TPRA1: variants seen among roughly 807,000 people sequenced by gnomAD.
TPRA1 encodes transmembrane protein adipocyte associated 1.
TPRA1 carries 28 observed loss-of-function variants against 40.1 expected under a neutral mutation model. The observed-to-expected ratio is 0.70, with a 90% CI of 0.52 to 0.96. The LOEUF (loss-of-function observed/expected upper bound fraction) is 0.96. Among genes scored for constraint, TPRA1 ranks in the 40% least tolerant of loss-of-function variants. The probability of loss-of-function intolerance (pLI) is 0.00; values close to 1 mark genes in which losing one functional copy is unlikely to be tolerated. For synonymous variants in TPRA1, 219 were observed against 209.7 expected (o/e 1.04, Z -0.38); for missense variants, 441 against 482.6 (o/e 0.91, Z 0.81).
rs141277546 is a variant in TPRA1, at chr3:127,574,557, C to T, written c.854+628G>A. Among the ~76,000 whole-genome samples the T allele has an allele frequency of 1.7e-3, 263 of 152,350 alleles. 1 individual carries two copies. Among genetic ancestry groups the T allele is most frequent in the African/African-American group, 6.0e-3 (251 of 41,586 alleles). On this transcript the variant is annotated intron_variant, in intron 10 of 10. Transcript: ENST00000355552. ...ACCTGCTCCCCACTTAAGTCTTCCC[C>T]CAACAGGGTACAAGCTTTGTGAGGA...
chr3:127,594,022 CAATGTGCT>C (rs1208170142), upstream of TPRA1, among the ~76,000 whole-genome samples: 1 of 152,218 alleles, frequency 6.6e-6, no homozygotes, highest in Non-Finnish European at 1.5e-5. Context: ...GTGTCAATGA[CAATGTGCT>C]AATCAGGATG....
intron 1 of TPRA1, among the ~76,000 whole-genome samples, chr3:127,587,676 T>C (rs1006727105): frequency 5.3e-5 from 7 of 132,094 alleles, no homozygotes; most frequent in Non-Finnish European, 1.0e-4. Flanking sequence ...GCTGCTTTTC[T>C]TTTTTTTTTT....
At chr3:127,580,288 C>G in intron 1 of TPRA1, 125 bp from the exon 2 acceptor site, 1 of 1,095,998 alleles carries the variant, frequency 9.1e-7, no homozygotes, top group Non-Finnish European at 1.3e-6. Flanking sequence ...ACCACCCTCC[C>G]CACCCACTGC....
upstream of TPRA1, among the ~76,000 whole-genome samples, chr3:127,592,367 G>GTTTTTT (rs746017013): frequency 6.8e-5 from 6 of 88,538 alleles, 1 homozygote; most frequent in African/African-American, 1.3e-4. Flanking sequence ...GCAACATGCT[G>GTTTTTT]TTTTTTTTTT....
chr3:127,573,364 G>A lies in TPRA1; in HGVS notation c.*157C>T, dbSNP rs546681728. The A allele has an allele frequency of 3.2e-5, 30 of 945,644 alleles. No individual in the cohort carries two copies. Among genetic ancestry groups the A allele is most frequent in the South Asian group, 1.9e-5 (1 of 53,832 alleles). 58.6% of individuals were successfully genotyped at this position (945,644 alleles called of 1,614,324 possible). A position where few individuals can be genotyped will look rare whatever the true frequency, so the allele number is the denominator to read the frequency against. ...GCAGAGATGGCAAAGGGGATTGGGA[G>A]CCCCAGGGAGGTGGGGCCTCCAGAC... On this transcript the variant is annotated 3_prime_UTR_variant, in exon 11 of 11. Transcript: ENST00000355552.
chr3:127,575,558 CT>C, intron 8 of TPRA1, 53 bp from the exon 9 acceptor site: 1 of 1,484,920 alleles, frequency 6.7e-7, no homozygotes, highest in African/African-American at 1.4e-5. Context: ...AGGCCAGGCT[CT>C]GCCTCCAGCA....
Position 127,573,743 on chromosome 3 carries a change from C to G in TPRA1, c.900G>C (p.Glu300Asp), listed in dbSNP as rs1576361569. The change falls in exon 11 of 11, where the codon GAG becomes GAC. Residue 300 changes from glutamate to aspartate, a missense_variant. Glu to Asp is a conservative substitution (Grantham distance 45). Transcript: ENST00000355552. Reference sequence around the variant, plus strand: ...GTAGGTGTACATCTGGCTCCTCTGTCTCGTCCACTTGGCATTTGTAGGAGA... The same window carrying G: ...GTAGGTGTACATCTGGCTCCTCTGTGTCGTCCACTTGGCATTTGTAGGAGA... Reference protein sequence around the residue: ...ILFSYKCQVDETEEPDVHLPQ... With the variant: ...ILFSYKCQVDDTEEPDVHLPQ... 1 of 1,594,042 alleles carries G rather than the reference C, an allele frequency of 6.3e-7. No individual in the cohort carries two copies. Among genetic ancestry groups the G allele is most frequent in the Non-Finnish European group, 8.6e-7 (1 of 1,165,240 alleles).
Position 127,575,243 on chromosome 3 carries a change from G to T in TPRA1, c.796C>A (p.Leu266Met). 6.2e-7 allele frequency: 1 copy of T among 1,614,034 alleles called. No individual in the cohort carries two copies. Among genetic ancestry groups the T allele is most frequent in the Non-Finnish European group, 8.5e-7 (1 of 1,179,970 alleles). Residue 266 changes from leucine to methionine, a missense_variant, in exon 10 of 11, where the codon CTG becomes ATG. Physicochemically the swap from Leu to Met is conservative, Grantham distance 15. Transcript: ENST00000355552. ...GLCCVDATTF[L>M]YFSFFAPLIY... Reference sequence around the variant, plus strand: ...AGCGGAGCGAAGAAGCTGAAGTACAGGAAGGTTGTGGCATCTACACAGCTG... The same window carrying T: ...AGCGGAGCGAAGAAGCTGAAGTACATGAAGGTTGTGGCATCTACACAGCTG...
chr3:127,573,996 G>A (rs2073476146), intron 10 of TPRA1, among the ~76,000 whole-genome samples: 1 of 152,202 alleles, frequency 6.6e-6, no homozygotes, highest in South Asian at 2.1e-4. Flanking sequence ...TGTGAGCTCA[G>A]GCGGGGGGCA....
chr3:127,596,629 G>A (rs1242784042), intron 1 of TPRA1, among the ~76,000 whole-genome samples: 2 of 152,098 alleles, frequency 1.3e-5, no homozygotes, highest in East Asian at 3.9e-4. Flanking sequence ...CCCATACATG[G>A]ATATCCAACA....
chr3:127,587,770 G>A (rs375369033), intron 1 of TPRA1, among the ~76,000 whole-genome samples: 5 of 148,828 alleles, frequency 3.4e-5, no homozygotes, highest in African/African-American at 1.2e-4. Flanking sequence ...TCCACCTCCC[G>A]GGTTCAAGCA....
rs909358474 is a variant in TPRA1 at position 127,590,442 on chromosome 3, C to T, written c.-50G>A. 4 of 113,278 alleles carry T rather than the reference C, an allele frequency of 3.5e-5. No homozygotes were observed. In the East Asian group the frequency reaches 6.0e-4, roughly 17 times the overall value. 7.0% of individuals were successfully genotyped at this position (113,278 alleles called of 1,614,324 possible). On this transcript the variant is annotated 5_prime_UTR_variant, in exon 1 of 11. Coordinates refer to ENST00000355552, the MANE Select transcript of TPRA1 (RefSeq NM_001136053.4). The stretch of plus-strand genomic sequence containing the variant: ...CCCGGGCCGCGCTCAGGACCGGCCG[C>T]CCCGGCCGCCCCGGCCGCCCATCCG...
intron 1 of TPRA1, among the ~76,000 whole-genome samples, chr3:127,589,617 G>A (rs2074106600): frequency 6.6e-6 from 1 of 152,092 alleles, no homozygotes; most frequent in Non-Finnish European, 1.5e-5. Context: ...CTCCCTGCTT[G>A]CCTTCCACCT....
At chr3:127,592,621 A>G (rs1366117823), upstream of TPRA1, among the ~76,000 whole-genome samples, 1 of 151,336 alleles carries the variant, frequency 6.6e-6, no homozygotes, top group African/African-American at 2.4e-5. Context: ...TCCTGACCTC[A>G]TGATCCACCC....
Position 127,573,455 on chromosome 3 carries a change from C to T in TPRA1, c.*66G>A. On this transcript the variant is annotated 3_prime_UTR_variant, in exon 11 of 11. Transcript: ENST00000355552. The stretch of plus-strand genomic sequence containing the variant: ...AACGTCCCTTGACCTGGTCCTCCTC[C>T]CCTGGGGACTCTGGGCCTGCTGGCC... The T allele has an allele frequency of 6.5e-7, 1 of 1,541,798 alleles. No homozygotes were observed. The highest frequency in any genetic ancestry group is 8.7e-7 in the Non-Finnish European group (1 of 1,145,136).
At chr3:127,575,109 A>G in intron 10 of TPRA1, 76 bp downstream of exon 10, 3 of 1,516,540 alleles carry the variant, frequency 2.0e-6, no homozygotes, top group Non-Finnish European at 2.7e-6. Flanking sequence ...TCTCAGCTTC[A>G]ATCCTCACAC....
At chr3:127,585,517 G>C (rs1360157778) in intron 1 of TPRA1, among the ~76,000 whole-genome samples, 2 of 152,234 alleles carry the variant, frequency 1.3e-5, no homozygotes, top group Non-Finnish European at 2.9e-5. Context: ...TCCTGCAACA[G>C]TCCATGCATG....
intron 2 of TPRA1, 64 bp downstream of exon 2, chr3:127,579,958 C>G: frequency 6.2e-7 from 1 of 1,608,368 alleles, no homozygotes. Context: ...ACCCTCACCA[C>G]CCCCCTACAC....
chr3:127,592,501 T>C (rs957418352), upstream of TPRA1, among the ~76,000 whole-genome samples: 23 of 147,802 alleles, frequency 1.6e-4, no homozygotes, highest in Non-Finnish European at 2.8e-4. Flanking sequence ...TTCTCCTGCC[T>C]CAGCCTCCCG....
Sources: gnomAD v4.1 joint callset for allele counts (sites outside exome capture counted in the v4.1 genomes callset) on GRCh38, gnomAD v4.1.1 for gene constraint, MANE v1.5 for transcripts, NCBI Gene and HGNC (gene_info 2026-07-23, HGNC 2026-07-21) for gene names.